NAA35: variants seen among roughly 807,000 people sequenced by gnomAD.
The protein encoded by NAA35 is N-alpha-acetyltransferase 35, NatC auxiliary subunit, also known as MAK10 homolog, amino-acid N-acetyltransferase subunit.
Under a neutral mutation model 101.7 loss-of-function variants are expected in NAA35, and 18 were observed. The observed-to-expected ratio is 0.18, with a 90% CI of 0.12 to 0.26. The LOEUF (loss-of-function observed/expected upper bound fraction) is 0.26. Among genes scored for constraint, NAA35 ranks in the 10% least tolerant of loss-of-function variants. The pLI, the probability that NAA35 is intolerant of heterozygous loss-of-function variation, is 1.00. For missense variants in NAA35, 601 were observed against 886.8 expected (o/e 0.68, Z 4.09); for synonymous variants, 267 against 273.1 (o/e 0.98, Z 0.22).
chr9:85,984,511 A>G (rs1830567892), intron 11 of NAA35, among the ~76,000 whole-genome samples: 1 of 152,224 alleles, frequency 6.6e-6, no homozygotes. Flanking sequence ...GAAGATCCTA[A>G]GAGAAAAGAG....
In NAA35 at chr9:85,962,221, T is replaced by TTACA. The variant is rs746078799; in HGVS notation, c.516+41_516+42insTACA. The stretch of plus-strand genomic sequence containing the variant: ...GTAAGAAATCCTTGGCCAGGTGCGG[T>TTACA]GGCTCATGCCTGTAATCTCAGCAGT... On this transcript the variant is annotated intron_variant, in intron 6 of 22. Coordinates refer to ENST00000361671, the MANE Select transcript of NAA35 (RefSeq NM_024635.4). The TTACA allele has an allele frequency of 3.1e-6, 5 of 1,593,378 alleles. No individual in the cohort carries two copies. In the African/African-American group the frequency reaches 5.4e-5, roughly 17 times the overall value.
chr9:85,994,782 ATAGT>A lies in NAA35; in HGVS notation c.878-1613_878-1610del, dbSNP rs556673717. Among the ~76,000 whole-genome samples, 195 of 152,286 alleles carry A rather than the reference ATAGT, an allele frequency of 1.3e-3. 1 individual carries two copies. Among genetic ancestry groups the A allele is most frequent in the Admixed American group, 0.012 (183 of 15,296 alleles). ...GAGAAGTTGGTTAATGGGTGCAAAA[ATAGT>A]TAGATAGATGAAATATGTTCTATTA... On this transcript the variant is annotated intron_variant, in intron 11 of 22. Transcript: ENST00000361671.
intron 3 of NAA35, among the ~76,000 whole-genome samples, 177 bp downstream of exon 3, chr9:85,956,570 G>A (rs1829284655): frequency 6.6e-6 from 1 of 152,098 alleles, no homozygotes; most frequent in African/African-American, 2.4e-5. Context: ...GCTGACCCTA[G>A]TTGTGATGTG....
intron 2 of NAA35, among the ~76,000 whole-genome samples, chr9:85,944,912 A>G (rs1441693595): frequency 6.6e-6 from 1 of 152,262 alleles, no homozygotes; most frequent in African/African-American, 2.4e-5. Flanking sequence ...TGAAAACCAC[A>G]GGTCGGCAGA....
At chr9:86,019,742 A>AC (rs1832429232) in intron 21 of NAA35, among the ~76,000 whole-genome samples, 1 of 152,214 alleles carries the variant, frequency 6.6e-6, no homozygotes, top group African/African-American at 2.4e-5. Context: ...CCGCTTCCAT[A>AC]GAGGCGTAGC....
At chr9:85,969,767 G>C (rs1014971940) in intron 6 of NAA35, among the ~76,000 whole-genome samples, 2 of 151,764 alleles carry the variant, frequency 1.3e-5, no homozygotes, top group African/African-American at 4.8e-5. Flanking sequence ...TGAGGCTGAG[G>C]CAGGAAGATC....
In NAA35 at chr9:85,966,600, C is replaced by T. The variant is rs114210731; in HGVS notation, c.516+4420C>T. Reference sequence around the variant, plus strand: ...TCACCCACCTCTTGATCTCAGATTTCGCGGCTCCTAGAACTGATTGATTTT... The same window carrying T: ...TCACCCACCTCTTGATCTCAGATTTTGCGGCTCCTAGAACTGATTGATTTT... On this transcript the variant is annotated intron_variant, in intron 6 of 22. Transcript: ENST00000361671. The T allele has an allele frequency of 8.6e-4, 1,060 of 1,235,286 alleles. 4 individuals carry two copies. The African/African-American group carries it at 0.015, about 17-fold the overall frequency. The allele number at this position is 1,235,286 out of a possible 1,614,324, so 76.5% of individuals were successfully genotyped here. A position where few individuals can be genotyped will look rare whatever the true frequency, so the allele number is the denominator to read the frequency against.
At chr9:85,975,734 G>T (rs1158015036) in intron 8 of NAA35, among the ~76,000 whole-genome samples, 1 of 152,084 alleles carries the variant, frequency 6.6e-6, no homozygotes, top group Admixed American at 6.6e-5. Context: ...CAGTGTTTTA[G>T]ATTTTTACTA....
chr9:85,987,784 A>G (rs1007042361), intron 11 of NAA35, among the ~76,000 whole-genome samples: 1 of 152,244 alleles, frequency 6.6e-6, no homozygotes, highest in Non-Finnish European at 1.5e-5. Context: ...GAGGGAGAAC[A>G]TTGAGAATGG....
chr9:85,971,968 G>A (rs1332270993), intron 6 of NAA35, among the ~76,000 whole-genome samples: 1 of 151,304 alleles, frequency 6.6e-6, no homozygotes, highest in Non-Finnish European at 1.5e-5. Context: ...TCTGACTTCT[G>A]TCCTCAAGTC....
At chr9:85,982,400 A>G (rs967385804) in intron 11 of NAA35, among the ~76,000 whole-genome samples, 1 of 152,140 alleles carries the variant, frequency 6.6e-6, no homozygotes, top group Non-Finnish European at 1.5e-5. Context: ...CTTGAATTTT[A>G]CAGTTCTTTT....
In NAA35 at chr9:86,024,487, C is replaced by A. The variant is rs1832696132; in HGVS notation, c.*2527C>A. On this transcript the variant is annotated 3_prime_UTR_variant, in exon 23 of 23. Transcript: ENST00000361671. Reference sequence around the variant, plus strand: ...ATGGGATCAAGTCAAATCTGCTTGCCTGAGAATGGTTGAAAAGGGAGGCAG... The same window carrying A: ...ATGGGATCAAGTCAAATCTGCTTGCATGAGAATGGTTGAAAAGGGAGGCAG... Among the ~76,000 whole-genome samples the A allele has an allele frequency of 6.6e-6, 1 of 152,070 alleles. No homozygotes were observed. The highest frequency in any genetic ancestry group is 1.5e-5 in the Non-Finnish European group (1 of 68,022).
At chr9:85,978,435 T>G in intron 11 of NAA35, 54 bp downstream of exon 11, 1 of 1,254,816 alleles carries the variant, frequency 8.0e-7, no homozygotes, top group Non-Finnish European at 1.2e-6. Context: ...ATCCAAAATA[T>G]TTAGTGCTTA....
intron 2 of NAA35, among the ~76,000 whole-genome samples, chr9:85,952,611 A>G (rs1179875348): frequency 6.6e-6 from 1 of 151,852 alleles, no homozygotes; most frequent in African/African-American, 2.4e-5. Context: ...TCCCAAGACA[A>G]CTATTTTCTT....
chr9:86,025,057 G>A lies in NAA35; in HGVS notation c.*3097G>A, dbSNP rs1832725954. Among the ~76,000 whole-genome samples the A allele has an allele frequency of 1.3e-5, 2 of 152,192 alleles. No individual in the cohort carries two copies. Among genetic ancestry groups the A allele is most frequent in the East Asian group, 1.9e-4 (1 of 5,192 alleles). The stretch of plus-strand genomic sequence containing the variant: ...CTTTGACAAGTGTGCCTGTTTCACC[G>A]TTTTGTTTGCACAAGACTCTAAGAC... On this transcript the variant is annotated 3_prime_UTR_variant, in exon 23 of 23. Coordinates refer to ENST00000361671, the MANE Select transcript of NAA35 (RefSeq NM_024635.4).
At chr9:86,004,249 C>T (rs969413824) in intron 13 of NAA35, among the ~76,000 whole-genome samples, 2 of 152,088 alleles carry the variant, frequency 1.3e-5, no homozygotes, top group Non-Finnish European at 2.9e-5. Flanking sequence ...GGATTACAGG[C>T]GCACACCATC....
At chr9:85,978,136 G>C in intron 10 of NAA35, 131 bp from the exon 11 acceptor site, 1 of 627,148 alleles carries the variant, frequency 1.6e-6, no homozygotes. Flanking sequence ...TGTATTAAGT[G>C]CATAGTTTAT....
At chr9:85,959,206 CT>C (rs992253693) in intron 4 of NAA35, among the ~76,000 whole-genome samples, 2 of 151,880 alleles carry the variant, frequency 1.3e-5, no homozygotes, top group African/African-American at 4.8e-5. Context: ...GAAACCCCGT[CT>C]CTACTAAAAA....
chr9:86,007,520 C>G, intron 14 of NAA35, 56 bp downstream of exon 14: 1 of 1,247,860 alleles, frequency 8.0e-7, no homozygotes, highest in East Asian at 2.4e-5. Context: ...AAAAGCCCAA[C>G]TTCTCTGTAC....
Sources: gnomAD v4.1 joint callset for allele counts (sites outside exome capture counted in the v4.1 genomes callset) on GRCh38, gnomAD v4.1.1 for gene constraint, MANE v1.5 for transcripts, NCBI Gene and HGNC (gene_info 2026-07-23, HGNC 2026-07-21) for gene names.